The following OR56A3 variants were observed in gnomAD, a reference collection of about 807,000 sequenced individuals.
The protein encoded by OR56A3 is olfactory receptor family 56 subfamily A member 3.
OR56A3 carries 23 observed loss-of-function variants against 17.5 expected under a neutral mutation model. That is an observed-to-expected ratio of 1.32 (90% CI 0.95 to 1.87). The LOEUF is 1.87. OR56A3 is among the 40% of genes most tolerant of loss of function. The pLI, the probability that OR56A3 is intolerant of heterozygous loss-of-function variation, is 0.00. For missense variants in OR56A3, 366 were observed against 380.1 expected, an observed-to-expected ratio of 0.96 and a Z score of 0.31; for synonymous variants, 175 against 150.6, an observed-to-expected ratio of 1.16 and a Z score of -1.19.
the OR56A3 span, chr11:5,994,727 TC>T: frequency 1.2e-6 from 1 of 821,352 alleles, no homozygotes; most frequent in Non-Finnish European, 2.1e-6. Context: ...GCGGGCATTG[TC>T]CACAGTATTT....
chr11:5,994,663 C>T, the OR56A3 span: 2 of 790,520 alleles, frequency 2.5e-6, no homozygotes, highest in Non-Finnish European at 2.2e-6. Context: ...CTGTCTCATA[C>T]TTGATTCTAA....
the OR56A3 span, among the ~76,000 whole-genome samples, chr11:5,974,722 C>T: frequency 1.3e-5 from 2 of 152,160 alleles, no homozygotes; most frequent in Non-Finnish European, 2.9e-5. Context: ...AATCCTAGCA[C>T]CATCACTTAC....
the OR56A3 span, among the ~76,000 whole-genome samples, chr11:5,979,881 T>G: frequency 6.6e-6 from 1 of 152,164 alleles, no homozygotes; most frequent in Non-Finnish European, 1.5e-5. Flanking sequence ...TTCTCATATG[T>G]TATATCTCTG....
At chr11:5,985,972 C>T in the OR56A3 span, 746 of 1,610,636 alleles carry the variant, frequency 4.6e-4, 7 homozygotes, top group African/African-American at 8.2e-3. Flanking sequence ...TCTGAGCACT[C>T]GCTGGCGGAT....
the OR56A3 span, among the ~76,000 whole-genome samples, chr11:5,978,127 G>T: frequency 7.9e-5 from 12 of 152,264 alleles, no homozygotes; most frequent in South Asian, 2.5e-3. Flanking sequence ...ACAGTTTGAA[G>T]TTGGGTAATG....
In OR56A3 at chr11:5,943,326, C is replaced by T. The variant is rs921186393; in HGVS notation, c.-314+952C>T. 3.3e-5 allele frequency: 5 copies of T among 152,174 alleles called. No individual in the cohort carries two copies. In the East Asian group the frequency reaches 7.7e-4, roughly 24 times the overall value. The allele number at this position is 152,174 out of a possible 1,614,324, so 9.4% of individuals were successfully genotyped here. ...AGAGACAGAAAATATACTTTTTCCT[C>T]TAGGCTTCTCTATGGATACTCATGC... On this transcript the variant is annotated intron_variant, in intron 1 of 2. Coordinates refer to ENST00000641160, the MANE Select transcript of OR56A3 (RefSeq NM_001003443.3).
At chr11:5,985,876 T>A in the OR56A3 span, 1 of 1,454,964 alleles carries the variant, frequency 6.9e-7, no homozygotes. Flanking sequence ...TCTACACCAG[T>A]CACAGGCTCC....
At chr11:5,979,103 G>A in the OR56A3 span, among the ~76,000 whole-genome samples, 3 of 150,664 alleles carry the variant, frequency 2.0e-5, no homozygotes, top group Admixed American at 2.0e-4. Context: ...TGTGCTGCTG[G>A]ATTTAGTTAG....
rs917510157 is a variant in OR56A3, at chr11:5,950,421, T to C, written c.*2127T>C. On this transcript the variant is annotated 3_prime_UTR_variant, in exon 3 of 3. Coordinates refer to ENST00000641160, the MANE Select transcript of OR56A3 (RefSeq NM_001003443.3). Reference sequence around the variant, plus strand: ...TGAAAAATCTGTTTTGCTTCACTTATATGTAATTTTTAGACATTTATAAAC... The same window carrying C: ...TGAAAAATCTGTTTTGCTTCACTTACATGTAATTTTTAGACATTTATAAAC... 1.3e-5 allele frequency: 2 copies of C among 152,176 alleles called. No homozygotes were observed. Among genetic ancestry groups the C allele is most frequent in the Non-Finnish European group, 2.9e-5 (2 of 67,994 alleles). The allele number at this position is 152,176 out of a possible 1,614,324, so 9.4% of individuals were successfully genotyped here.
At chr11:6,015,698 A>T in the OR56A3 span, among the ~76,000 whole-genome samples, 2 of 152,162 alleles carry the variant, frequency 1.3e-5, no homozygotes, top group East Asian at 3.9e-4. Context: ...TTTAAGGCTT[A>T]ATGACTTCCT....
At chr11:6,008,601 G>A in the OR56A3 span, among the ~76,000 whole-genome samples, 13 of 151,814 alleles carry the variant, frequency 8.6e-5, no homozygotes, top group African/African-American at 3.1e-4. Context: ...CAATGTTAGA[G>A]ACTCTCAGAA....
At chr11:6,015,421 G>T in the OR56A3 span, among the ~76,000 whole-genome samples, 1 of 152,210 alleles carries the variant, frequency 6.6e-6, no homozygotes, top group Non-Finnish European at 1.5e-5. Context: ...TGGGGTTGGA[G>T]CCTCGCACAG....
chr11:6,007,084 A>G, the OR56A3 span: 2 of 152,238 alleles, frequency 1.3e-5, no homozygotes, highest in African/African-American at 4.8e-5. Context: ...TCCATGTCCC[A>G]GGAGAGTATG....
chr11:5,989,858 G>A, the OR56A3 span, among the ~76,000 whole-genome samples: 1 of 152,148 alleles, frequency 6.6e-6, no homozygotes, highest in Non-Finnish European at 1.5e-5. Flanking sequence ...AAGCAGAAAG[G>A]ACTTTATTCC....
chr11:6,016,533 A>T, the OR56A3 span, among the ~76,000 whole-genome samples: 4 of 151,976 alleles, frequency 2.6e-5, no homozygotes, highest in East Asian at 7.7e-4. Flanking sequence ...AGTGAATCTT[A>T]AAAAAAATGA....
chr11:5,946,017 G>A (rs1471236675), intron 2 of OR56A3, among the ~76,000 whole-genome samples: 3 of 152,166 alleles, frequency 2.0e-5, no homozygotes, highest in Non-Finnish European at 4.4e-5. Flanking sequence ...CCAGTAGACA[G>A]AAATATGCAC....
the OR56A3 span, among the ~76,000 whole-genome samples, chr11:5,975,374 C>T: frequency 8.5e-6 from 1 of 117,090 alleles, no homozygotes; most frequent in Non-Finnish European, 1.7e-5. Flanking sequence ...CACCCCACAA[C>T]AGTCCCCAGT....
At chr11:5,942,967 C>T (rs2134359343) in intron 1 of OR56A3, among the ~76,000 whole-genome samples, 1 of 152,340 alleles carries the variant, frequency 6.6e-6, no homozygotes, top group Non-Finnish European at 1.5e-5. Context: ...AGTCTTTGAG[C>T]TTCAACTTCT....
the OR56A3 span, among the ~76,000 whole-genome samples, chr11:5,962,542 T>A: frequency 1.3e-5 from 2 of 149,926 alleles, no homozygotes; most frequent in Non-Finnish European, 3.0e-5. Context: ...TTTTTTTTTT[T>A]TTTTTTTGAG....
Sources: allele counts gnomAD v4.1 joint callset (sites outside exome capture counted in the v4.1 genomes callset), GRCh38; gene constraint gnomAD v4.1.1; transcripts MANE v1.5; gene names NCBI Gene and HGNC (gene_info 2026-07-23, HGNC 2026-07-21).